The following NISCH variants were observed in gnomAD, a reference collection of about 807,000 sequenced individuals.
NISCH encodes the protein nischarin.
Under a neutral mutation model 138.4 loss-of-function variants are expected in NISCH, and 55 were observed. That is an observed-to-expected ratio of 0.40 (90% CI 0.32 to 0.50). The LOEUF is 0.50. Ranked by LOEUF, NISCH falls within the 20% of genes least tolerant of loss-of-function variation. The pLI is 0.71. For synonymous variants in NISCH, 860 were observed against 861.5 expected (o/e 1.00, Z 0.03); for missense variants, 1,643 against 2,005.5 (o/e 0.82, Z 3.45).
At chr3:52,463,020 A>G (rs1049634995) in intron 3 of NISCH, among the ~76,000 whole-genome samples, 6 of 152,218 alleles carry the variant, frequency 3.9e-5, no homozygotes, top group Admixed American at 2.6e-4. Flanking sequence ...AGTTTTTAGT[A>G]TATTCACAAA....
At position 52,487,877 on chromosome 3, in the gene NISCH, G is replaced by A. The variant is rs144366169; in HGVS notation, c.2385G>A (p.Ser795=). The A allele has an allele frequency of 1.8e-5, 29 of 1,612,238 alleles. No homozygotes were observed. Among genetic ancestry groups the A allele is most frequent in the African/African-American group, 6.7e-5 (5 of 74,664 alleles). Residue 795 remains serine, a synonymous_variant, in exon 16 of 21, where the codon TCG becomes TCA. Coordinates refer to ENST00000345716, the MANE Select transcript of NISCH (RefSeq NM_007184.4). The surrounding 1 kb of genome is among the most constrained non-coding windows in gnomAD (Gnocchi z 9.1). The part of the protein sequence containing the change: ...RHSENTLFII[S]DAANLHEFHA... ...GTGAGAACACGCTCTTCATTATCTC[G>A]GACGCCGCCAACCTGCACGAGTTCC...
chr3:52,473,189 C>T (rs1706999861), intron 6 of NISCH, among the ~76,000 whole-genome samples: 1 of 152,208 alleles, frequency 6.6e-6, no homozygotes, highest in Non-Finnish European at 1.5e-5. Flanking sequence ...TTGTGGTGTG[C>T]CCTGCTGCCG....
At chr3:52,468,137 T>C (rs974446747) in intron 3 of NISCH, among the ~76,000 whole-genome samples, 52 of 152,138 alleles carry the variant, frequency 3.4e-4, no homozygotes, top group Non-Finnish European at 1.8e-4. Context: ...TGCAGGCCTG[T>C]GATCCTAGCT....
rs1707442655 is a variant in NISCH at position 52,487,716 on chromosome 3, C to T, written c.2224C>T (p.Pro742Ser). 2 of 1,613,724 alleles carry T rather than the reference C, an allele frequency of 1.2e-6. No individual in the cohort carries two copies. ...CTTCGGCATCGCAGTCTTCGAGATC[C>T]CGCACCAGGAGTCTCGGGGCAGCAG... ...TDFGIAVFEI[P>S]HQESRGSSQH... is the part of the protein sequence containing the mutation. Residue 742 changes from proline to serine, a missense_variant, in exon 16 of 21, where the codon CCG (proline) becomes TCG (serine). Physicochemically the swap from Pro to Ser is moderately conservative, Grantham distance 74 (BLOSUM62 -1). Coordinates refer to ENST00000345716, the MANE Select transcript of NISCH (RefSeq NM_007184.4). This position sits in a 1 kb window ranked among gnomAD's most constrained non-coding sequence, Gnocchi z 9.1.
chr3:52,456,970 G>A (rs1559620039), intron 1 of NISCH, among the ~76,000 whole-genome samples: 2 of 152,224 alleles, frequency 1.3e-5, no homozygotes, highest in Non-Finnish European at 2.9e-5. Flanking sequence ...TATGTCGGGG[G>A]AGGTGGTGAT....
In NISCH at chr3:52,492,467, C is replaced by T. The variant is rs567438911; in HGVS notation, c.4500C>T (p.Val1500=). 1.7e-5 allele frequency: 27 copies of T among 1,602,106 alleles called. No homozygotes were observed. The South Asian group carries it at 2.0e-4, about 12-fold the overall frequency. ...CCCTGTGTGGCCGTGAGCTGCCTGT[C>T]GAGCTCACCGGCTAGCCCAGGCCAC... is the stretch of plus-strand genomic sequence containing the variant. ...WEALCGRELP[V]ELTG The change falls in exon 21 of 21, where the codon GTC becomes GTT. Residue 1500 remains valine, a synonymous_variant. Coordinates refer to ENST00000345716, the MANE Select transcript of NISCH (RefSeq NM_007184.4).
chr3:52,488,086 A>C lies in NISCH; in HGVS notation c.2594A>C (p.Lys865Thr). 3.1e-6 allele frequency: 5 copies of C among 1,612,880 alleles called. No homozygotes were observed. Among genetic ancestry groups the C allele is most frequent in the Non-Finnish European group, 4.2e-6 (5 of 1,179,974 alleles). Reference sequence around the variant, plus strand: ...CCCGTCTACCTGGTCTACAGTGACAAGCGCATGGTGCAGACGGCCGCCGGG... The same window carrying C: ...CCCGTCTACCTGGTCTACAGTGACACGCGCATGGTGCAGACGGCCGCCGGG... Reference protein sequence around the residue: ...CFPVYLVYSDKRMVQTAAGDY... With the variant: ...CFPVYLVYSDTRMVQTAAGDY... Residue 865 changes from lysine to threonine, a missense_variant, in exon 16 of 21, where the codon AAG becomes ACG. Lys to Thr is a moderately conservative substitution (Grantham distance 78). Coordinates refer to ENST00000345716, the MANE Select transcript of NISCH (RefSeq NM_007184.4).
In NISCH at chr3:52,461,422, G is replaced by A. The variant is rs142794870; in HGVS notation, c.360+2578G>A. On this transcript the variant is annotated intron_variant, in intron 3 of 20. Transcript: ENST00000345716. Reference sequence around the variant, plus strand: ...CAGATGGGACCTGTGTATATGCTTTGGATTTTATTTAGCATATACCAGCAA... The same window carrying A: ...CAGATGGGACCTGTGTATATGCTTTAGATTTTATTTAGCATATACCAGCAA... Among the ~76,000 whole-genome samples, 6 of 152,172 alleles carry A rather than the reference G, an allele frequency of 3.9e-5. No individual in the cohort carries two copies. In the East Asian group the frequency reaches 1.2e-3, roughly 29 times the overall value.
At chr3:52,489,225 A>G in intron 16 of NISCH, 111 bp from the exon 17 acceptor site, 1 of 1,322,052 alleles carries the variant, frequency 7.6e-7, no homozygotes, top group East Asian at 2.3e-5. Context: ...AGTCCCCAGT[A>G]ACCCAGAGGT....
chr3:52,481,713 C>T, intron 13 of NISCH: 1 of 985,514 alleles, frequency 1.0e-6, no homozygotes, highest in Non-Finnish European at 1.2e-6. Context: ...GGGGATGCAC[C>T]ATGTCCCCAG....
intron 3 of NISCH, among the ~76,000 whole-genome samples, chr3:52,463,966 A>G (rs532868439): frequency 8.1e-4 from 122 of 151,118 alleles, no homozygotes; most frequent in African/African-American, 2.8e-3. Flanking sequence ...GCCTCAAGTG[A>G]TTCGCCCACC....
chr3:52,492,684 G>GT lies in NISCH; in HGVS notation c.*203dup. 1.4e-6 allele frequency: 1 copy of GT among 710,734 alleles called. No individual in the cohort carries two copies. Among genetic ancestry groups the GT allele is most frequent in the Non-Finnish European group, 2.2e-6 (1 of 444,628 alleles). 44.0% of individuals were successfully genotyped at this position (710,734 alleles called of 1,614,324 possible). A position where few individuals can be genotyped will look rare whatever the true frequency, so the allele number is the denominator to read the frequency against. On this transcript the variant is annotated 3_prime_UTR_variant, in exon 21 of 21. Coordinates refer to ENST00000345716, the MANE Select transcript of NISCH (RefSeq NM_007184.4). ...AATGCCGGGCCCCTCAGGGCTGTCG[G>GT]TGTGCTGTCAGCCTCCCACAGGTGG...
At chr3:52,484,419 C>A in intron 13 of NISCH, 94 bp from the exon 14 acceptor site, 1 of 1,272,548 alleles carries the variant, frequency 7.9e-7, no homozygotes, top group Non-Finnish European at 1.1e-6. Context: ...CCCGCCATGC[C>A]AGTAGCCTGA....
intron 17 of NISCH, 42 bp downstream of exon 17, chr3:52,489,720 C>T (rs1358371447): frequency 6.3e-7 from 1 of 1,584,158 alleles, no homozygotes; most frequent in East Asian, 2.2e-5. Flanking sequence ...CACGGCCAGT[C>T]CTGAGGGCGA....
intron 9 of NISCH, chr3:52,477,863 G>A (rs999750735): frequency 9.6e-6 from 6 of 625,364 alleles, no homozygotes; most frequent in African/African-American, 7.4e-5. Context: ...ATGCACCTCC[G>A]TCCTGAAGGT....
In NISCH at chr3:52,487,400, C is replaced by A. The variant is rs762833811; in HGVS notation, c.1908C>A (p.Gly636=). 1.2e-6 allele frequency: 2 copies of A among 1,613,084 alleles called. No individual in the cohort carries two copies. Among genetic ancestry groups the A allele is most frequent in the Admixed American group, 3.3e-5 (2 of 59,988 alleles). ...NQREEGQGEQ[G]EEEDEEEEEE... is the part of the protein sequence containing the mutation. ...GGGAGGAGGGCCAGGGTGAACAGGG[C>A]GAGGAGGAGGATGAGGAGGAGGAAG... Residue 636 remains glycine (G), a synonymous_variant, in exon 16 of 21, where the codon GGC becomes GGA. Coordinates refer to ENST00000345716, the MANE Select transcript of NISCH (RefSeq NM_007184.4). The surrounding 1 kb of genome is among the most constrained non-coding windows in gnomAD (Gnocchi z 9.1).
intron 8 of NISCH, 24 bp downstream of exon 8, chr3:52,476,623 A>T: frequency 6.2e-7 from 1 of 1,613,296 alleles, no homozygotes; most frequent in Non-Finnish European, 8.5e-7. Context: ...AGCAGGTGCC[A>T]GGGGTTTCTC....
chr3:52,484,615 T>G lies in NISCH; in HGVS notation c.1631T>G (p.Leu544Trp), dbSNP rs1406473827. Residue 544 changes from leucine to tryptophan, a missense_variant, in exon 14 of 21, where the codon TTG (leucine) becomes TGG (tryptophan). Transcript: ENST00000345716. ...QPIAQGCSDS[L>W]ESIPAGQAAS... ...ATTGCCCAGGGATGTTCTGATTCCT[T>G]GGAGTCCATCCCTGCGGGACAGGTA... The G allele has an allele frequency of 6.2e-7, 1 of 1,614,032 alleles. No individual in the cohort carries two copies. The highest frequency in any genetic ancestry group is 8.5e-7 in the Non-Finnish European group (1 of 1,180,020).
chr3:52,458,963 G>A, intron 3 of NISCH, 119 bp downstream of exon 3: 1 of 787,130 alleles, frequency 1.3e-6, no homozygotes, highest in Non-Finnish European at 2.0e-6. Context: ...TAGGTTAGAA[G>A]ATGGAGGAAC....
Sources: allele counts gnomAD v4.1 joint callset (sites outside exome capture counted in the v4.1 genomes callset), GRCh38; gene constraint gnomAD v4.1.1; non-coding constraint Gnocchi (gnomAD v3.1); transcripts MANE v1.5; gene names NCBI Gene and HGNC (gene_info 2026-07-23, HGNC 2026-07-21).